The following SGK3 variants were observed in gnomAD, a reference collection of about 807,000 sequenced individuals.
The protein encoded by SGK3 is serine/threonine-protein kinase Sgk3.
In SGK3, 47 loss-of-function variants were observed where a neutral mutation model predicts 68.5. The observed-to-expected ratio is 0.69, with a 90% CI of 0.54 to 0.87. SGK3 has a LOEUF of 0.87. SGK3 is among the 40% of genes least tolerant of loss of function. The probability of loss-of-function intolerance (pLI) is 0.00; values close to 1 mark genes in which losing one functional copy is unlikely to be tolerated. For missense variants in SGK3, 479 were observed against 575.5 expected (o/e 0.83, Z 1.72); for synonymous variants, 181 against 189.1 (o/e 0.96, Z 0.35).
chr8:66,796,319 G>GTTTT (rs1427904115), intron 2 of SGK3, among the ~76,000 whole-genome samples: 9 of 14,400 alleles, frequency 6.3e-4, no homozygotes, highest in South Asian at 2.2e-3. Flanking sequence ...TGTATTTTTT[G>GTTTT]TATTTTTTTT....
intron 6 of SGK3, among the ~76,000 whole-genome samples, chr8:66,826,517 A>G (rs1038460891): frequency 4.6e-5 from 7 of 152,254 alleles, no homozygotes; most frequent in Admixed American, 3.9e-4. Flanking sequence ...AGTTAAAACT[A>G]TGCCGCAACA....
rs545147986 is a variant in SGK3, at chr8:66,832,623, A to G, written c.525+1312A>G. Among the ~76,000 whole-genome samples the G allele has an allele frequency of 2.0e-4, 31 of 152,272 alleles. No individual in the cohort carries two copies. The South Asian group carries it at 4.6e-3, about 22-fold the overall frequency. ...ACAAAAGCATTATCTGTCATTAAAA[A>G]CAAAAGCATTGTGGCACATACCTGT... On this transcript the variant is annotated intron_variant, in intron 8 of 16. Transcript: ENST00000521198.
chr8:66,831,744 C>A (rs987846254), intron 8 of SGK3, among the ~76,000 whole-genome samples: 2 of 152,178 alleles, frequency 1.3e-5, no homozygotes, highest in African/African-American at 4.8e-5. Flanking sequence ...AATTAAGATA[C>A]TTTCCCCACC....
At chr8:66,729,273 G>A (rs1224424743) in intron 1 of SGK3, among the ~76,000 whole-genome samples, 75 of 144,998 alleles carry the variant, frequency 5.2e-4, no homozygotes, top group African/African-American at 1.7e-3. Flanking sequence ...TGGCTAACAC[G>A]GTGAAACCCT....
chr8:66,834,014 T>A (rs1809407548), intron 8 of SGK3, among the ~76,000 whole-genome samples: 1 of 152,220 alleles, frequency 6.6e-6, no homozygotes, highest in African/African-American at 2.4e-5. Flanking sequence ...TTTATGCTGT[T>A]GAAAATTGGT....
At chr8:66,717,843 A>G (rs1350075973) in intron 1 of SGK3, among the ~76,000 whole-genome samples, 1 of 151,732 alleles carries the variant, frequency 6.6e-6, no homozygotes, top group South Asian at 2.1e-4. Context: ...AGCTGGGTCT[A>G]CAGTTGTGCA....
chr8:66,759,981 C>T, intron 1 of SGK3, among the ~76,000 whole-genome samples: 1 of 152,148 alleles, frequency 6.6e-6, no homozygotes, highest in African/African-American at 2.4e-5. Flanking sequence ...TGTTGGCCAC[C>T]ATTCAATCTA....
intron 15 of SGK3, among the ~76,000 whole-genome samples, chr8:66,847,674 T>G (rs577376256): frequency 6.6e-6 from 1 of 152,152 alleles, no homozygotes; most frequent in South Asian, 2.1e-4. Flanking sequence ...ACCTAAACTT[T>G]CTTTTGCTGT....
intron 15 of SGK3, 89 bp downstream of exon 15, chr8:66,847,437 T>C (rs964479780): frequency 2.0e-6 from 3 of 1,538,110 alleles, no homozygotes; most frequent in Non-Finnish European, 8.8e-7. Context: ...TTTAATGGAA[T>C]GAATACAATA....
rs188422429 is a variant in SGK3 at position 66,792,004 on chromosome 8, G to C, written c.-121-1612G>C. ...TTGAGGAGAGACCAATTACATGTCT[G>C]TATGTTCTAACAACTAATTCAGCTA... On this transcript the variant is annotated intron_variant, in intron 1 of 16. Transcript: ENST00000521198. Among the ~76,000 whole-genome samples the C allele has an allele frequency of 2.4e-4, 36 of 152,266 alleles. No individual in the cohort carries two copies. The East Asian group carries it at 6.4e-3, about 27-fold the overall frequency.
chr8:66,829,101 G>A (rs963021987), intron 7 of SGK3, among the ~76,000 whole-genome samples: 3 of 151,906 alleles, frequency 2.0e-5, no homozygotes, highest in African/African-American at 7.3e-5. Flanking sequence ...CTGGTGTTTG[G>A]TGTGATTGGT....
chr8:66,753,875 A>T (rs1004495866), intron 1 of SGK3, among the ~76,000 whole-genome samples: 2 of 152,176 alleles, frequency 1.3e-5, no homozygotes, highest in African/African-American at 4.8e-5. Flanking sequence ...TACCTCCAAA[A>T]TATTCTAGCC....
intron 1 of SGK3, chr8:66,768,065 ATCTT>A: frequency 1.8e-6 from 1 of 556,854 alleles, no homozygotes; most frequent in Non-Finnish European, 3.3e-6. Context: ...ATTACAGTCT[ATCTT>A]CATTTGAATT....
intron 1 of SGK3, among the ~76,000 whole-genome samples, chr8:66,769,551 G>A (rs1435738243): frequency 3.3e-5 from 5 of 152,084 alleles, no homozygotes; most frequent in Non-Finnish European, 5.9e-5. Context: ...CTATATTTTA[G>A]AAAGTTTCTA....
chr8:66,734,220 TTTTC>T (rs900688989), intron 1 of SGK3, among the ~76,000 whole-genome samples: 7 of 147,276 alleles, frequency 4.8e-5, no homozygotes, highest in East Asian at 1.9e-4. Context: ...TTTTTTTTCT[TTTTC>T]TTTCTTTTTT....
intron 16 of SGK3, among the ~76,000 whole-genome samples, chr8:66,858,688 T>C (rs904003511): frequency 6.6e-6 from 1 of 152,186 alleles, no homozygotes; most frequent in Non-Finnish European, 1.5e-5. Context: ...GCTTGTTCAG[T>C]GCACAGTCTG....
intron 1 of SGK3, among the ~76,000 whole-genome samples, chr8:66,790,117 T>C (rs1260318313): frequency 1.3e-5 from 2 of 152,138 alleles, no homozygotes; most frequent in South Asian, 2.1e-4. Flanking sequence ...ATCTTATTAG[T>C]CTTCCTTGAT....
At chr8:66,777,392 C>T (rs1478185627) in intron 1 of SGK3, among the ~76,000 whole-genome samples, 1 of 152,094 alleles carries the variant, frequency 6.6e-6, no homozygotes, top group African/African-American at 2.4e-5. Flanking sequence ...CAGGAGGTAC[C>T]GAATTCATGG....
chr8:66,793,836 A>C lies in SGK3; in HGVS notation c.96+4A>C. ...AGAGAAAAAGAAGAGGTTTACTGTAAGTATTTAACATAAAGCATGTGGGAA... is the reference window on the plus strand; with the variant it reads ...AGAGAAAAAGAAGAGGTTTACTGTACGTATTTAACATAAAGCATGTGGGAA... On this transcript the variant is annotated splice_donor_region_variant and intron_variant, in intron 2 of 16. Transcript: ENST00000521198. 1 of 1,610,456 alleles carries C rather than the reference A, an allele frequency of 6.2e-7. No individual in the cohort carries two copies. Among genetic ancestry groups the C allele is most frequent in the Non-Finnish European group, 8.5e-7 (1 of 1,177,974 alleles).
Sources: gnomAD v4.1 joint callset for allele counts (sites outside exome capture counted in the v4.1 genomes callset) on GRCh38, gnomAD v4.1.1 for gene constraint, MANE v1.5 for transcripts, NCBI Gene and HGNC (gene_info 2026-07-23, HGNC 2026-07-21) for gene names.